Variants in PLEKHA7 observed in about 807,000 individuals in gnomAD.
PLEKHA7 encodes pleckstrin homology domain containing A7.
PLEKHA7 carries 104 observed loss-of-function variants against 170.0 expected under a neutral mutation model. The ratio of observed to expected loss-of-function variants is 0.61; its 90% CI spans 0.52 to 0.72. The LOEUF (loss-of-function observed/expected upper bound fraction) is 0.72. Among genes scored for constraint, PLEKHA7 ranks in the 30% least tolerant of loss-of-function variants. The probability of loss-of-function intolerance (pLI) is 0.00; values close to 1 mark genes in which losing one functional copy is unlikely to be tolerated. For synonymous variants in PLEKHA7, 648 were observed against 660.8 expected, an observed-to-expected ratio of 0.98 and a Z score of 0.30; for missense variants, 1,615 against 1,671.7, an observed-to-expected ratio of 0.97 and a Z score of 0.59.
chr11:16,830,576 A>C (rs1309064163), intron 9 of PLEKHA7, among the ~76,000 whole-genome samples: 2 of 152,246 alleles, frequency 1.3e-5, no homozygotes, highest in Non-Finnish European at 2.9e-5. Flanking sequence ...TGTGTATGAC[A>C]TTAGAATTGA....
intron 3 of PLEKHA7, among the ~76,000 whole-genome samples, chr11:16,940,197 C>T (rs893636369): frequency 1.5e-4 from 23 of 151,838 alleles, no homozygotes; most frequent in African/African-American, 5.3e-4. Context: ...AGCACAGTGG[C>T]TGGCACATAG....
At position 16,789,970 on chromosome 11, in the gene PLEKHA7, G is replaced by C. The variant is rs1442313516; in HGVS notation, c.3053-92C>G. On this transcript the variant is annotated intron_variant, in intron 21 of 26. Coordinates refer to ENST00000531066, the MANE Select transcript of PLEKHA7 (RefSeq NM_001329630.2). This position sits in a 1 kb window ranked among gnomAD's most constrained non-coding sequence, Gnocchi z 4.6. ...TCACACATTCTTGCAGGAGTACCAA[G>C]AGCACCCAGTCAATGACCCACCCTT... 8.8e-7 allele frequency: 1 copy of C among 1,142,036 alleles called. No homozygotes were observed. Among genetic ancestry groups the C allele is most frequent in the African/African-American group, 1.5e-5 (1 of 65,634 alleles). The allele number at this position is 1,142,036 out of a possible 1,614,324, so 70.7% of individuals were successfully genotyped here.
intron 6 of PLEKHA7, 63 bp from the exon 7 acceptor site, chr11:16,852,418 T>C: frequency 2.1e-6 from 3 of 1,420,332 alleles, no homozygotes; most frequent in Non-Finnish European, 2.9e-6. Flanking sequence ...TTTCCAAGCA[T>C]GCACAACCTG....
chr11:16,855,152 T>C (rs929471455), intron 5 of PLEKHA7, among the ~76,000 whole-genome samples, 159 bp from the exon 6 acceptor site: 1 of 152,136 alleles, frequency 6.6e-6, no homozygotes, highest in South Asian at 2.1e-4. Context: ...GGCGTGCACA[T>C]GGCCACAGCA....
At chr11:16,780,834 G>T in intron 26 of PLEKHA7, 1 of 243,258 alleles carries the variant, frequency 4.1e-6, no homozygotes, top group Non-Finnish European at 6.6e-6. Context: ...GTGGAAGGAG[G>T]CATCAGCAGG....
At chr11:16,993,095 C>T (rs1045573731) in intron 3 of PLEKHA7, among the ~76,000 whole-genome samples, 2 of 152,154 alleles carry the variant, frequency 1.3e-5, no homozygotes, top group East Asian at 1.9e-4. Context: ...CCTCAGCTCT[C>T]TCTCCTCCCT....
At chr11:16,839,580 A>G (rs1335064215) in intron 9 of PLEKHA7, among the ~76,000 whole-genome samples, 1 of 151,924 alleles carries the variant, frequency 6.6e-6, no homozygotes, top group Non-Finnish European at 1.5e-5. Context: ...AGAGGGAAAA[A>G]AGGATGGTTT....
At chr11:16,896,727 C>A (rs528641761) in intron 3 of PLEKHA7, among the ~76,000 whole-genome samples, 3 of 152,330 alleles carry the variant, frequency 2.0e-5, no homozygotes, top group African/African-American at 7.2e-5. Flanking sequence ...CCATTACCTT[C>A]TGGAAAAAGG....
intron 3 of PLEKHA7, among the ~76,000 whole-genome samples, chr11:16,995,374 A>T (rs1211528101): frequency 6.6e-6 from 1 of 152,140 alleles, no homozygotes; most frequent in South Asian, 2.1e-4. Flanking sequence ...TGCTAAATGA[A>T]GGGACCCCTG....
intron 3 of PLEKHA7, among the ~76,000 whole-genome samples, chr11:16,972,840 A>G (rs1368592398): frequency 6.6e-6 from 1 of 152,230 alleles, no homozygotes; most frequent in Non-Finnish European, 1.5e-5. Flanking sequence ...ATTTTCATAA[A>G]TGCCTAAAAA....
chr11:16,855,004 G>T lies in PLEKHA7; in HGVS notation c.418-11C>A. 1 of 1,611,214 alleles carries T rather than the reference G, an allele frequency of 6.2e-7. No homozygotes were observed. The highest frequency in any genetic ancestry group is 2.2e-5 in the East Asian group (1 of 44,864). ...GCTGGACTTTATGATCTATGAAAAAGCAGACTGAACTTTAGCAACAGGGAA... is the reference window on the plus strand; with the variant it reads ...GCTGGACTTTATGATCTATGAAAAATCAGACTGAACTTTAGCAACAGGGAA... On this transcript the variant is annotated splice_polypyrimidine_tract_variant and intron_variant, in intron 5 of 26. Coordinates refer to ENST00000531066, the MANE Select transcript of PLEKHA7 (RefSeq NM_001329630.2).
At position 16,855,388 on chromosome 11, in the gene PLEKHA7, A is replaced by C. The variant is rs1853352948; in HGVS notation, c.418-395T>G. ...CCCTCAGCACTCTCCTCCTCTCCTCAATGCTGGTTCTTTACCCTGATCCTT... is the reference window on the plus strand; with the variant it reads ...CCCTCAGCACTCTCCTCCTCTCCTCCATGCTGGTTCTTTACCCTGATCCTT... On this transcript the variant is annotated intron_variant, in intron 5 of 26. Coordinates refer to ENST00000531066, the MANE Select transcript of PLEKHA7 (RefSeq NM_001329630.2). Among the ~76,000 whole-genome samples the C allele has an allele frequency of 2.0e-5, 3 of 152,018 alleles. No homozygotes were observed. The South Asian group carries it at 6.2e-4, about 32-fold the overall frequency.
chr11:16,846,321 A>G (rs1291612872), intron 8 of PLEKHA7, among the ~76,000 whole-genome samples: 1 of 152,028 alleles, frequency 6.6e-6, no homozygotes, highest in Non-Finnish European at 1.5e-5. Context: ...GGAAAGGGAG[A>G]AAAGAGAAGA....
At chr11:16,819,716 T>G (rs1369536495) in intron 10 of PLEKHA7, among the ~76,000 whole-genome samples, 1 of 152,204 alleles carries the variant, frequency 6.6e-6, no homozygotes, top group Non-Finnish European at 1.5e-5. Flanking sequence ...ATACCGTGTA[T>G]GACCTCACTT....
chr11:16,829,276 A>G (rs1252713572), intron 9 of PLEKHA7, among the ~76,000 whole-genome samples: 1 of 151,940 alleles, frequency 6.6e-6, no homozygotes, highest in Non-Finnish European at 1.5e-5. Flanking sequence ...CAGCCCCCCA[A>G]AGTTTTATGA....
chr11:16,779,091 GA>G, intron 26 of PLEKHA7, 71 bp from the exon 27 acceptor site: 1 of 700,820 alleles, frequency 1.4e-6, no homozygotes, highest in Admixed American at 2.0e-5. Flanking sequence ...ACACATGATG[GA>G]ATGGCAGATA....
intron 10 of PLEKHA7, among the ~76,000 whole-genome samples, chr11:16,823,454 A>G (rs1171880330): frequency 1.3e-5 from 2 of 152,138 alleles, no homozygotes; most frequent in African/African-American, 4.8e-5. Flanking sequence ...GGTAATCTCA[A>G]CTACTGCCAG....
chr11:16,854,365 G>A (rs1321704561), intron 6 of PLEKHA7, among the ~76,000 whole-genome samples: 1 of 152,192 alleles, frequency 6.6e-6, no homozygotes. Flanking sequence ...TGAGTGCCTG[G>A]GAGAATGGTG....
At chr11:16,830,697 A>G (rs566770712) in intron 9 of PLEKHA7, among the ~76,000 whole-genome samples, 1 of 152,316 alleles carries the variant, frequency 6.6e-6, no homozygotes, top group Non-Finnish European at 1.5e-5. Context: ...TTCACCATGT[A>G]TTTACCAAGC....
Sources: gnomAD v4.1 joint callset for allele counts (sites outside exome capture counted in the v4.1 genomes callset) on GRCh38, gnomAD v4.1.1 for gene constraint, Gnocchi (gnomAD v3.1) non-coding constraint, MANE v1.5 for transcripts, NCBI Gene and HGNC (gene_info 2026-07-23, HGNC 2026-07-21) for gene names.